Variants in SEMA3A observed in about 807,000 individuals in gnomAD.
SEMA3A encodes the protein semaphorin-3A.
SEMA3A carries 29 observed loss-of-function variants against 97.9 expected under a neutral mutation model. The ratio of observed to expected loss-of-function variants is 0.30; its 90% CI spans 0.22 to 0.40. The LOEUF (loss-of-function observed/expected upper bound fraction) is 0.40. Among genes scored for constraint, SEMA3A ranks in the 10% least tolerant of loss-of-function variants. The probability of loss-of-function intolerance (pLI) is 1.00; values close to 1 mark genes in which losing one functional copy is unlikely to be tolerated. For synonymous variants in SEMA3A, 321 were observed against 323.7 expected (o/e 0.99, Z 0.09); for missense variants, 763 against 951.3 (o/e 0.80, Z 2.60).
At position 84,261,999 on chromosome 7, in the gene SEMA3A, T is replaced by A. The variant is rs192715300; in HGVS notation, c.-83+45208A>T. Among the ~76,000 whole-genome samples, 1,020 of 152,350 alleles carry A rather than the reference T, an allele frequency of 6.7e-3. 2 individuals are homozygous for A. The highest frequency in any genetic ancestry group is 0.01 in the Non-Finnish European group (690 of 68,030). ...TTTTAGCAGATCTGCAGGACCCTTT[T>A]GAAGCAAAAGCATGTGCAAAAGCAA... On this transcript the variant is annotated intron_variant, in intron 3 of 3. Transcript: ENST00000424555.
chr7:84,357,208 C>A (rs1413064405), intron 2 of SEMA3A, among the ~76,000 whole-genome samples: 2 of 151,454 alleles, frequency 1.3e-5, no homozygotes, highest in East Asian at 3.9e-4. Context: ...TATACATGTG[C>A]CATGTTGGTG....
intron 1 of SEMA3A, among the ~76,000 whole-genome samples, chr7:84,138,951 T>G (rs372484151): frequency 6.6e-6 from 1 of 152,226 alleles, no homozygotes; most frequent in African/African-American, 2.4e-5. Context: ...GTTCTCAGAT[T>G]CTTCAGTATT....
chr7:84,126,208 TA>T (rs1269988250), intron 3 of SEMA3A, among the ~76,000 whole-genome samples: 1 of 152,140 alleles, frequency 6.6e-6, no homozygotes, highest in Non-Finnish European at 1.5e-5. Flanking sequence ...TTATTTATTT[TA>T]TTTTACTTTT....
chr7:84,378,331 T>C (rs1803162019), intron 1 of SEMA3A, among the ~76,000 whole-genome samples: 1 of 151,988 alleles, frequency 6.6e-6, no homozygotes. Flanking sequence ...AATGATAGAC[T>C]GGATAAAGAA....
intron 2 of SEMA3A, among the ~76,000 whole-genome samples, chr7:84,322,316 C>T (rs1801668715): frequency 1.3e-5 from 2 of 152,150 alleles, no homozygotes; most frequent in African/African-American, 4.8e-5. Context: ...GAACAAATGT[C>T]TGTCACAAGC....
At chr7:84,358,761 A>G (rs998595230) in intron 2 of SEMA3A, among the ~76,000 whole-genome samples, 4 of 152,056 alleles carry the variant, frequency 2.6e-5, no homozygotes, top group Non-Finnish European at 5.9e-5. Context: ...GATTCTTCCT[A>G]TCCATGAGCA....
Position 84,005,431 on chromosome 7 carries a change from A to T in SEMA3A, c.1268T>A (p.Ile423Asn). ...VFPMNNRPIV[I>N]KTDVNYQFTQ... The stretch of plus-strand genomic sequence containing the variant: ...AAATTGATAATTTACATCCGTTTTG[A>T]TCACTATTGGGCGATTGTTCATAGG... The change falls in exon 11 of 17, where the codon ATC becomes AAC. Residue 423 changes from isoleucine to asparagine, a missense_variant. Physicochemically the swap from Ile to Asn is moderately radical, Grantham distance 149. This residue lies in a region of SEMA3A where 678 missense variants were observed against 881.3 expected (regional missense o/e 0.77). Coordinates refer to ENST00000265362, the MANE Select transcript of SEMA3A (RefSeq NM_006080.3). 6.2e-7 allele frequency: 1 copy of T among 1,613,878 alleles called. No individual in the cohort carries two copies. Among genetic ancestry groups the T allele is most frequent in the African/African-American group, 1.3e-5 (1 of 75,024 alleles).
intron 5 of SEMA3A, among the ~76,000 whole-genome samples, chr7:84,059,773 AAAAG>A (rs1793140600): frequency 6.6e-6 from 1 of 152,088 alleles, no homozygotes; most frequent in African/African-American, 2.4e-5. Flanking sequence ...TAAAAAATAA[AAAAG>A]AAAGGAAAAA....
intron 15 of SEMA3A, among the ~76,000 whole-genome samples, chr7:83,974,809 CA>C: frequency 6.6e-6 from 1 of 152,074 alleles, no homozygotes; most frequent in Admixed American, 6.5e-5. Context: ...AAGAGGCATT[CA>C]AAAAGGAATA....
intron 2 of SEMA3A, among the ~76,000 whole-genome samples, chr7:84,335,814 AAAAT>A (rs1802024024): frequency 6.6e-6 from 1 of 152,178 alleles, no homozygotes; most frequent in African/African-American, 2.4e-5. Context: ...CATTCACATT[AAAAT>A]AAATAAATTA....
intron 1 of SEMA3A, among the ~76,000 whole-genome samples, chr7:84,475,328 G>A (rs1370701970): frequency 6.6e-6 from 1 of 152,192 alleles, no homozygotes; most frequent in Non-Finnish European, 1.5e-5. Context: ...TGAATGTGAT[G>A]AGTGCTTGTG....
At chr7:84,088,971 A>G (rs527487400) in intron 4 of SEMA3A, among the ~76,000 whole-genome samples, 286 of 152,134 alleles carry the variant, frequency 1.9e-3, no homozygotes, top group Middle Eastern at 3.4e-3. Flanking sequence ...TCAAAAAAGC[A>G]AAGTTATTTT....
chr7:84,205,615 G>A (rs144163254), intron 3 of SEMA3A, among the ~76,000 whole-genome samples: 63 of 152,192 alleles, frequency 4.1e-4, no homozygotes, highest in Admixed American at 7.2e-4. Flanking sequence ...ATAAAGTTAA[G>A]CATGAAAATA....
At chr7:84,062,797 C>A (rs1189501379) in intron 4 of SEMA3A, among the ~76,000 whole-genome samples, 2 of 152,154 alleles carry the variant, frequency 1.3e-5, no homozygotes, top group Non-Finnish European at 2.9e-5. Flanking sequence ...TGATTGCTAG[C>A]ACAGCAGTCT....
At chr7:84,368,269 G>GT (rs987642509) in intron 2 of SEMA3A, among the ~76,000 whole-genome samples, 37 of 150,776 alleles carry the variant, frequency 2.5e-4, no homozygotes, top group Middle Eastern at 6.3e-3. Context: ...AAAGAACTCA[G>GT]TTTTTTTTAT....
chr7:84,084,292 T>C (rs1583937165), intron 4 of SEMA3A, among the ~76,000 whole-genome samples: 1 of 152,126 alleles, frequency 6.6e-6, no homozygotes, highest in African/African-American at 2.4e-5. Context: ...CTATTGTTTT[T>C]ACTTAGTCTT....
At chr7:84,323,875 G>T (rs1349182810) in intron 2 of SEMA3A, among the ~76,000 whole-genome samples, 1 of 152,022 alleles carries the variant, frequency 6.6e-6, no homozygotes, top group Non-Finnish European at 1.5e-5. Flanking sequence ...TAGTACATCT[G>T]CACAATAGAA....
intron 1 of SEMA3A, among the ~76,000 whole-genome samples, chr7:84,440,349 C>G (rs1001311753): frequency 2.0e-5 from 3 of 152,144 alleles, no homozygotes; most frequent in African/African-American, 7.2e-5. Context: ...TCCACATGTT[C>G]CTGGTGCAGC....
intron 4 of SEMA3A, among the ~76,000 whole-genome samples, chr7:84,076,956 T>C (rs1255078055): frequency 1.3e-5 from 2 of 152,168 alleles, no homozygotes; most frequent in Non-Finnish European, 2.9e-5. Context: ...AAAGCATGTG[T>C]GTTCAAACTT....
Sources: allele counts gnomAD v4.1 joint callset (sites outside exome capture counted in the v4.1 genomes callset), GRCh38; gene constraint gnomAD v4.1.1; regional missense constraint gnomAD v4.1.1; transcripts MANE v1.5; gene names NCBI Gene and HGNC (gene_info 2026-07-23, HGNC 2026-07-21).